The following PRKG1 variants were observed in gnomAD, a reference collection of about 807,000 sequenced individuals.
PRKG1 encodes the protein protein kinase cGMP-dependent 1, also known as cGMP-dependent protein kinase 1.
A neutral mutation model predicts 88.1 loss-of-function variants in PRKG1; 35 were observed. That is an observed-to-expected ratio of 0.40 (90% CI 0.30 to 0.53). The LOEUF (loss-of-function observed/expected upper bound fraction) is 0.53. PRKG1 is among the 20% of genes least tolerant of loss of function. The probability of loss-of-function intolerance (pLI) is 0.59; values close to 1 mark genes in which losing one functional copy is unlikely to be tolerated. For synonymous variants in PRKG1, 303 were observed against 292.5 expected (o/e 1.04, Z -0.37); for missense variants, 540 against 839.8 (o/e 0.64, Z 4.41).
intron 1 of PRKG1, among the ~76,000 whole-genome samples, chr10:51,131,527 A>C (rs1224597819): frequency 1.3e-5 from 2 of 152,160 alleles, no homozygotes; most frequent in East Asian, 3.9e-4. Context: ...TGGGCGGATC[A>C]CCTGAGGCCA....
chr10:52,149,768 G>A (rs746523865), intron 8 of PRKG1, among the ~76,000 whole-genome samples: 84 of 149,654 alleles, frequency 5.6e-4, no homozygotes, highest in Admixed American at 4.0e-4. Context: ...AGCCTCAGGG[G>A]ACTAATTACT....
chr10:52,141,982 G>A lies in PRKG1; in HGVS notation c.1001+8077G>A, dbSNP rs75751810. 6.5e-4 allele frequency among the ~76,000 whole-genome samples: 99 copies of A among 152,218 alleles called. 1 individual carries two copies. In the East Asian group the frequency reaches 0.018, roughly 28 times the overall value. On this transcript the variant is annotated intron_variant, in intron 8 of 17. Coordinates refer to ENST00000373980, the MANE Select transcript of PRKG1 (RefSeq NM_006258.4). The stretch of plus-strand genomic sequence containing the variant: ...TTATAAATAAACTTATTTCACAGTT[G>A]AAGAATTTGAGTCCCAGAAGTGTCA...
intron 3 of PRKG1, among the ~76,000 whole-genome samples, chr10:51,520,610 C>G (rs1259167982): frequency 6.6e-6 from 1 of 151,914 alleles, no homozygotes. Context: ...AGCAAAACTC[C>G]CAGATTATCT....
At chr10:51,905,750 A>G (rs1842073295) in intron 4 of PRKG1, among the ~76,000 whole-genome samples, 1 of 152,200 alleles carries the variant, frequency 6.6e-6, no homozygotes, top group Non-Finnish European at 1.5e-5. Flanking sequence ...TTGTATTTTG[A>G]TGTATTGGAG....
intron 3 of PRKG1, among the ~76,000 whole-genome samples, chr10:51,564,517 G>A (rs140768592): frequency 6.6e-5 from 10 of 152,074 alleles, no homozygotes; most frequent in Admixed American, 3.3e-4. Flanking sequence ...GGGAGGAAGC[G>A]TGTGTAAAGG....
chr10:50,993,876 A>C (rs1842807046), intron 1 of PRKG1, among the ~76,000 whole-genome samples: 1 of 152,226 alleles, frequency 6.6e-6, no homozygotes, highest in African/African-American at 2.4e-5. Context: ...AATCTTGGGT[A>C]TGCACACATC....
At chr10:51,419,165 A>T (rs1267267386) in intron 2 of PRKG1, among the ~76,000 whole-genome samples, 2 of 152,154 alleles carry the variant, frequency 1.3e-5, no homozygotes, top group East Asian at 3.9e-4. Context: ...TCTATCCTTT[A>T]AATGTGTTCA....
chr10:51,407,266 C>T (rs949628568), intron 2 of PRKG1, among the ~76,000 whole-genome samples: 2 of 152,064 alleles, frequency 1.3e-5, no homozygotes, highest in African/African-American at 4.8e-5. Context: ...CATGCACATC[C>T]CCTGAGATCA....
chr10:51,913,194 G>A (rs1203559111), intron 5 of PRKG1, among the ~76,000 whole-genome samples: 1 of 152,178 alleles, frequency 6.6e-6, no homozygotes, highest in Non-Finnish European at 1.5e-5. Context: ...CTCACAAAGT[G>A]CTGGGATTAC....
Position 51,079,289 on chromosome 10 carries a change from A to AGTCAC in PRKG1, c.311+4389_311+4393dup, listed in dbSNP as rs200597557. 3.8e-3 allele frequency among the ~76,000 whole-genome samples: 579 copies of AGTCAC among 152,324 alleles called. 2 individuals are homozygous for AGTCAC. Among genetic ancestry groups the AGTCAC allele is most frequent in the African/African-American group, 0.013 (541 of 41,588 alleles). On this transcript the variant is annotated intron_variant, in intron 1 of 17. Coordinates refer to ENST00000373980, the MANE Select transcript of PRKG1 (RefSeq NM_006258.4). ...TCTAGAAAGTAGATAGAGTAAGGTA[A>AGTCAC]GTCACAGGGGAGATAACTAAGAGAG...
chr10:52,224,187 C>T (rs1235572049), intron 9 of PRKG1, among the ~76,000 whole-genome samples: 1 of 152,048 alleles, frequency 6.6e-6, no homozygotes, highest in Non-Finnish European at 1.5e-5. Context: ...ATTGCTTCCT[C>T]TTCTCCTCTG....
intron 2 of PRKG1, among the ~76,000 whole-genome samples, chr10:51,336,016 A>G (rs1481894980): frequency 3.3e-5 from 5 of 152,206 alleles, no homozygotes; most frequent in African/African-American, 9.7e-5. Flanking sequence ...GTTTGAAATA[A>G]AAAGTAGGAA....
At chr10:51,214,022 A>G (rs1444212698) in intron 2 of PRKG1, among the ~76,000 whole-genome samples, 1 of 152,184 alleles carries the variant, frequency 6.6e-6, no homozygotes, top group Non-Finnish European at 1.5e-5. Context: ...ATATTTTCCA[A>G]AGTGTAATAT....
At chr10:52,067,340 C>G (rs1014138858) in intron 7 of PRKG1, among the ~76,000 whole-genome samples, 2 of 152,076 alleles carry the variant, frequency 1.3e-5, no homozygotes, top group African/African-American at 4.8e-5. Flanking sequence ...GTTCAGCAGG[C>G]AATTAAATAT....
At chr10:51,589,900 T>C (rs544108236) in intron 3 of PRKG1, among the ~76,000 whole-genome samples, 3 of 152,268 alleles carry the variant, frequency 2.0e-5, no homozygotes, top group Non-Finnish European at 2.9e-5. Context: ...AGTAAGAACA[T>C]TGTAGAGTTG....
At chr10:51,215,784 A>G (rs916556077) in intron 2 of PRKG1, among the ~76,000 whole-genome samples, 3 of 152,158 alleles carry the variant, frequency 2.0e-5, no homozygotes, top group African/African-American at 7.2e-5. Flanking sequence ...GATTCTGTCT[A>G]TAGAACTGGA....
intron 3 of PRKG1, among the ~76,000 whole-genome samples, chr10:51,518,622 C>G: frequency 6.6e-6 from 1 of 152,052 alleles, no homozygotes; most frequent in East Asian, 1.9e-4. Flanking sequence ...TTGCCACATT[C>G]CAGTGGGAGA....
Position 51,602,285 on chromosome 10 carries a change from C to T in PRKG1, c.592+134449C>T, listed in dbSNP as rs180898655. Reference sequence around the variant, plus strand: ...CTACTTCAAGGAGTTTTGTTTATATCGAACACTAGACAACATAGGCTAATG... The same window carrying T: ...CTACTTCAAGGAGTTTTGTTTATATTGAACACTAGACAACATAGGCTAATG... On this transcript the variant is annotated intron_variant, in intron 3 of 17. Coordinates refer to ENST00000373980, the MANE Select transcript of PRKG1 (RefSeq NM_006258.4). 7.9e-4 allele frequency among the ~76,000 whole-genome samples: 120 copies of T among 152,184 alleles called. 1 individual carries two copies. The highest frequency in any genetic ancestry group is 1.7e-3 in the Admixed American group (26 of 15,280).
In PRKG1 at chr10:51,269,314, G is replaced by A. The variant is rs796605449; in HGVS notation, c.478+115984G>A. On this transcript the variant is annotated intron_variant, in intron 2 of 17. Transcript: ENST00000373980. ...GTATAATCACTGTGGAAAACACTAT[G>A]GAGATTCCTTAAATAACTAAAAATA... Among the ~76,000 whole-genome samples the A allele has an allele frequency of 1.4e-4, 21 of 152,224 alleles. 1 individual carries two copies. Among genetic ancestry groups the A allele is most frequent in the African/African-American group, 5.1e-4 (21 of 41,540 alleles).
Sources: gnomAD v4.1 joint callset for allele counts (sites outside exome capture counted in the v4.1 genomes callset) on GRCh38, gnomAD v4.1.1 for gene constraint, MANE v1.5 for transcripts, NCBI Gene and HGNC (gene_info 2026-07-23, HGNC 2026-07-21) for gene names.